Variants in RRAS2 observed in about 807,000 individuals in gnomAD.
RRAS2 encodes RAS related 2, also known as ras-related protein R-Ras2.
RRAS2 carries 7 observed loss-of-function variants against 27.6 expected under a neutral mutation model. The observed-to-expected ratio is 0.25, with a 90% CI of 0.14 to 0.48. The LOEUF (loss-of-function observed/expected upper bound fraction) is 0.48. Ranked by LOEUF, RRAS2 falls within the 20% of genes least tolerant of loss-of-function variation. The pLI is 0.99. For synonymous variants in RRAS2, 86 were observed against 90.9 expected, an observed-to-expected ratio of 0.95 and a Z score of 0.31; for missense variants, 178 against 256.2, an observed-to-expected ratio of 0.69 and a Z score of 2.08.
At chr11:14,361,108 G>A (rs1478886909), upstream of RRAS2, among the ~76,000 whole-genome samples, 5 of 151,936 alleles carry the variant, frequency 3.3e-5, no homozygotes, top group African/African-American at 1.2e-4. Flanking sequence ...TGGCCAACAT[G>A]CCAAAACCCG....
intron 1 of RRAS2, among the ~76,000 whole-genome samples, chr11:14,348,454 A>G (rs1554954365): frequency 6.6e-6 from 1 of 152,244 alleles, no homozygotes; most frequent in African/African-American, 2.4e-5. Context: ...ATCAACTGTT[A>G]TAATTGCCAA....
intron 3 of RRAS2, 34 bp downstream of exon 3, chr11:14,294,726 G>C (rs1554946320): frequency 6.3e-7 from 1 of 1,587,186 alleles, no homozygotes; most frequent in Admixed American, 1.7e-5. Flanking sequence ...ATCTTGACAA[G>C]AACAGTGGAT....
intron 5 of RRAS2, among the ~76,000 whole-genome samples, chr11:14,280,773 T>C (rs1849511191): frequency 1.4e-5 from 2 of 138,952 alleles, no homozygotes; most frequent in African/African-American, 5.6e-5. Context: ...CCACTTCACA[T>C]TCCTATCAAA....
chr11:14,306,515 G>T (rs1847832883), intron 1 of RRAS2, among the ~76,000 whole-genome samples: 1 of 152,040 alleles, frequency 6.6e-6, no homozygotes, highest in Admixed American at 6.5e-5. Flanking sequence ...AAGCCTTCCT[G>T]CCATAAGTGA....
chr11:14,343,738 G>C (rs898986235), intron 1 of RRAS2, among the ~76,000 whole-genome samples: 1 of 152,108 alleles, frequency 6.6e-6, no homozygotes, highest in African/African-American at 2.4e-5. Context: ...CGGGGCTGAG[G>C]TGGAAGGATC....
chr11:14,356,881 G>A (rs1367997222), intron 1 of RRAS2: 6 of 387,128 alleles, frequency 1.5e-5, no homozygotes, highest in Non-Finnish European at 2.5e-5. Flanking sequence ...TCCGCCTCCC[G>A]GGTTCAAGCG....
chr11:14,345,661 A>T (rs1848814041), intron 1 of RRAS2, among the ~76,000 whole-genome samples: 1 of 152,202 alleles, frequency 6.6e-6, no homozygotes, highest in Admixed American at 6.5e-5. Flanking sequence ...AGGATTTAAA[A>T]ACTTGAAAAC....
intron 1 of RRAS2, among the ~76,000 whole-genome samples, chr11:14,299,602 A>G (rs1186904823): frequency 6.6e-6 from 1 of 152,080 alleles, no homozygotes; most frequent in Non-Finnish European, 1.5e-5. Flanking sequence ...CATTCCCACT[A>G]CTTGAAACCC....
In RRAS2 at chr11:14,356,890, C is replaced by T. The variant is rs1849088379; in HGVS notation, c.108+1873G>A. ...ACAATCTCCGCCTCCCGGGTTCAAG[C>T]GATTCTACTGCCTCAGCCTCCAGAG... On this transcript the variant is annotated intron_variant, in intron 1 of 5. Coordinates refer to ENST00000256196, the MANE Select transcript of RRAS2 (RefSeq NM_012250.6). The T allele has an allele frequency of 3.4e-5, 13 of 384,528 alleles. No homozygotes were observed. In the Admixed American group the frequency reaches 4.3e-4, roughly 13 times the overall value. 23.8% of individuals were successfully genotyped at this position (384,528 alleles called of 1,614,324 possible).
chr11:14,294,441 T>G (rs1554946263), intron 4 of RRAS2, 30 bp downstream of exon 4: 3 of 1,386,856 alleles, frequency 2.2e-6, no homozygotes, highest in Admixed American at 4.3e-5. Flanking sequence ...TATAAACAAT[T>G]GGTTTCCCAA....
At chr11:14,311,895 C>A (rs992249068) in intron 1 of RRAS2, among the ~76,000 whole-genome samples, 1 of 150,960 alleles carries the variant, frequency 6.6e-6, no homozygotes, top group Non-Finnish European at 1.5e-5. Context: ...GATAGAGTCT[C>A]ACTCTGTTGC....
intron 2 of RRAS2, 99 bp downstream of exon 2, chr11:14,295,669 C>A: frequency 1.1e-6 from 1 of 902,412 alleles, no homozygotes; most frequent in Non-Finnish European, 1.7e-6. Context: ...TCCAGATCAT[C>A]TAATATTTCA....
chr11:14,351,730 CAAA>C (rs781952372), intron 1 of RRAS2, among the ~76,000 whole-genome samples: 2 of 74,786 alleles, frequency 2.7e-5, no homozygotes. Flanking sequence ...AACTCCATCT[CAAA>C]AAAAAAAAAA....
At chr11:14,356,295 A>G (rs1364791676) in intron 1 of RRAS2, among the ~76,000 whole-genome samples, 1 of 152,186 alleles carries the variant, frequency 6.6e-6, no homozygotes, top group African/African-American at 2.4e-5. Flanking sequence ...CCAAACTAGC[A>G]TATGACTCCC....
intron 4 of RRAS2, 32 bp downstream of exon 4, chr11:14,294,439 A>C (rs1847493918): frequency 7.3e-7 from 1 of 1,378,534 alleles, no homozygotes; most frequent in Non-Finnish European, 1.0e-6. Context: ...ATTATAAACA[A>C]TTGGTTTCCC....
intron 1 of RRAS2, among the ~76,000 whole-genome samples, chr11:14,352,074 A>G (rs1848966974): frequency 6.6e-6 from 1 of 152,198 alleles, no homozygotes; most frequent in South Asian, 2.1e-4. Flanking sequence ...ATCTGGTTAA[A>G]GTCAAAAAAG....
intron 4 of RRAS2, among the ~76,000 whole-genome samples, chr11:14,292,745 A>C (rs1350728602): frequency 6.6e-6 from 1 of 152,164 alleles, no homozygotes; most frequent in Non-Finnish European, 1.5e-5. Flanking sequence ...AACGAGATTT[A>C]GCAGGAAAAT....
chr11:14,314,606 A>G (rs1171727424), intron 1 of RRAS2, among the ~76,000 whole-genome samples: 3 of 152,246 alleles, frequency 2.0e-5, no homozygotes, highest in African/African-American at 4.8e-5. Context: ...GCCATGTAAT[A>G]GCAAATGTTG....
rs368756921 is a variant in RRAS2 at position 14,338,712 on chromosome 11, A to AT, written c.108+20050dup. Among the ~76,000 whole-genome samples, 72 of 152,162 alleles carry AT rather than the reference A, an allele frequency of 4.7e-4. 1 individual carries two copies. The highest frequency in any genetic ancestry group is 1.7e-3 in the African/African-American group (70 of 41,516). ...CGAAGTCAAATGGCTCCAAATCCTA[A>AT]TTTTTTTTAAACCACATTAAAAAGG... On this transcript the variant is annotated intron_variant, in intron 1 of 5. Coordinates refer to ENST00000256196, the MANE Select transcript of RRAS2 (RefSeq NM_012250.6).
Sources: allele counts gnomAD v4.1 joint callset (sites outside exome capture counted in the v4.1 genomes callset), GRCh38; gene constraint gnomAD v4.1.1; transcripts MANE v1.5; gene names NCBI Gene and HGNC (gene_info 2026-07-23, HGNC 2026-07-21).